The following CIAO3 variants were observed in gnomAD, a reference collection of about 807,000 sequenced individuals.
CIAO3 encodes the protein cytosolic iron-sulfur assembly component 3.
A neutral mutation model predicts 51.5 loss-of-function variants in CIAO3; 45 were observed. The ratio of observed to expected loss-of-function variants is 0.87; its 90% confidence interval spans 0.69 to 1.12. The LOEUF (loss-of-function observed/expected upper bound fraction) is 1.12, where lower values mean the gene tolerates loss of function less well. Ranked by LOEUF, CIAO3 falls within the 50% of genes most tolerant of loss-of-function variation. The pLI is 0.00. For synonymous variants in CIAO3, 314 were observed against 269.3 expected (o/e 1.17, Z -1.63); for missense variants, 668 against 632.5 (o/e 1.06, Z -0.60).
At chr16:731,148 G>C (rs188964973) in intron 9 of CIAO3, 148 bp from the exon 10 acceptor site, 1 of 1,024,768 alleles carries the variant, frequency 9.8e-7, no homozygotes, top group African/African-American at 1.6e-5. Context: ...GGACAAGAAC[G>C]GAGAGAGAGG....
At chr16:740,376 G>A (rs1235024386) in intron 1 of CIAO3, 1 of 328,164 alleles carries the variant, frequency 3.0e-6, no homozygotes, top group Non-Finnish European at 6.1e-6. Context: ...GCTCTACTGA[G>A]GAGCCACTGC....
chr16:732,067 G>A, intron 8 of CIAO3: 1 of 554,822 alleles, frequency 1.8e-6, no homozygotes. Context: ...TAGTAGAGAT[G>A]AGGTTTCACC....
Position 732,162 on chromosome 16 carries a change from G to A in CIAO3, c.896+139C>T, listed in dbSNP as rs575261820. The A allele has an allele frequency of 3.0e-5, 27 of 891,858 alleles. 1 individual carries two copies. The South Asian group carries it at 4.2e-4, about 14-fold the overall frequency. The allele number at this position is 891,858 out of a possible 1,614,324, so 55.2% of individuals were successfully genotyped here. On this transcript the variant is annotated intron_variant, in intron 8 of 10. Coordinates refer to ENST00000251588, the MANE Select transcript of CIAO3 (RefSeq NM_022493.3). ...CAAAGTGCTGGGGTGACAGGCGTGA[G>A]CTACTGCGCCTGGCTATCCAGCCAC...
intron 6 of CIAO3, chr16:733,779 G>A (rs967434634): frequency 2.6e-5 from 10 of 381,914 alleles, no homozygotes; most frequent in Admixed American, 1.6e-4. Context: ...GAAAATCCGC[G>A]TGCAGTCAGG....
intron 6 of CIAO3, 149 bp from the exon 7 acceptor site, chr16:733,576 C>A: frequency 1.7e-6 from 2 of 1,197,338 alleles, no homozygotes; most frequent in Non-Finnish European, 2.3e-6. Context: ...GCCGGCTCTG[C>A]GGATGTGTCC....
In CIAO3 at chr16:730,349, G is replaced by A; in HGVS notation, c.*68C>T. The A allele has an allele frequency of 6.8e-7, 1 of 1,479,426 alleles. No individual in the cohort carries two copies. The highest frequency in any genetic ancestry group is 1.2e-5 in the South Asian group (1 of 84,416). 91.6% of individuals were successfully genotyped at this position (1,479,426 alleles called of 1,614,324 possible). A position where few individuals can be genotyped will look rare whatever the true frequency, so the allele number is the denominator to read the frequency against. ...TCAGAATTTTGGGGGAAGCCCTGGGGTCTTGGGGCATGTGGTTCTGCTGTC... is the reference window on the plus strand; with the variant it reads ...TCAGAATTTTGGGGGAAGCCCTGGGATCTTGGGGCATGTGGTTCTGCTGTC... On this transcript the variant is annotated 3_prime_UTR_variant, in exon 11 of 11. Transcript: ENST00000251588.
chr16:730,205 C>T lies in CIAO3; in HGVS notation c.*212G>A. 1.7e-6 allele frequency: 1 copy of T among 602,218 alleles called. No individual in the cohort carries two copies. The highest frequency in any genetic ancestry group is 3.0e-5 in the Admixed American group (1 of 33,598). The allele number at this position is 602,218 out of a possible 1,614,324, so 37.3% of individuals were successfully genotyped here. On this transcript the variant is annotated 3_prime_UTR_variant, in exon 11 of 11. Transcript: ENST00000251588. ...GAACCTTCTGCTGCCTGGGCCACCC[C>T]ACCCCACCTGGGCAGAGCCAGTGGG... is the stretch of plus-strand genomic sequence containing the variant.
chr16:730,349 G>C lies in CIAO3; in HGVS notation c.*68C>G. On this transcript the variant is annotated 3_prime_UTR_variant, in exon 11 of 11. Transcript: ENST00000251588. ...TCAGAATTTTGGGGGAAGCCCTGGG[G>C]TCTTGGGGCATGTGGTTCTGCTGTC... The C allele has an allele frequency of 6.8e-7, 1 of 1,479,426 alleles. No individual in the cohort carries two copies. Among genetic ancestry groups the C allele is most frequent in the Non-Finnish European group, 9.3e-7 (1 of 1,079,910 alleles). 91.6% of individuals were successfully genotyped at this position (1,479,426 alleles called of 1,614,324 possible). A position where few individuals can be genotyped will look rare whatever the true frequency, so the allele number is the denominator to read the frequency against.
At chr16:731,731 G>A in intron 8 of CIAO3, 29 bp from the exon 9 acceptor site, 1 of 1,514,260 alleles carries the variant, frequency 6.6e-7, no homozygotes. Flanking sequence ...CCTCAGCACA[G>A]CTGGGGCTGC....
In CIAO3 at chr16:730,638, C is replaced by T; in HGVS notation, c.1210G>A (p.Gly404Ser). The change falls in exon 11 of 11, where the codon GGC (glycine) becomes AGC (serine). Residue 404 changes from glycine to serine, a missense_variant. Transcript: ENST00000251588. Reference protein sequence around the residue: ...ACPSGCLNGGGQLQAPDRPSR... With the variant: ...ACPSGCLNGGSQLQAPDRPSR... Reference sequence around the variant, plus strand: ...GGCCTGTCTGGGGCCTGGAGCTGGCCCCCGCCGTTCAGGCAGCCTATGGGA... The same window carrying T: ...GGCCTGTCTGGGGCCTGGAGCTGGCTCCCGCCGTTCAGGCAGCCTATGGGA... 1 of 1,609,394 alleles carries T rather than the reference C, an allele frequency of 6.2e-7. No homozygotes were observed. Among genetic ancestry groups the T allele is most frequent in the East Asian group, 2.2e-5 (1 of 44,872 alleles).
In CIAO3 at chr16:737,292, G is replaced by A. The variant is rs550684953; in HGVS notation, c.200C>T (p.Ser67Leu). 1.0e-4 allele frequency: 167 copies of A among 1,613,352 alleles called. 2 individuals are homozygous for A. Among genetic ancestry groups the A allele is most frequent in the South Asian group, 9.8e-4 (89 of 91,088 alleles). The change falls in exon 3 of 11, where the codon TCG (serine) becomes TTG (leucine). Residue 67 changes from serine to leucine, a missense_variant. By Grantham distance (145) the Ser-to-Leu change is moderately radical. Coordinates refer to ENST00000251588, the MANE Select transcript of CIAO3 (RefSeq NM_022493.3). This position sits in a 1 kb window ranked among gnomAD's most constrained non-coding sequence, Gnocchi z 5.3. ...GCTGCACGCCAGGCAGTCGTTTAGCGAGACCTTGGCCTTCTCCAGCCTCCG... is the reference window on the plus strand; with the variant it reads ...GCTGCACGCCAGGCAGTCGTTTAGCAAGACCTTGGCCTTCTCCAGCCTCCG... ...GTRRLEKAKV[S>L]LNDCLACSGC... is the part of the protein sequence containing the mutation.
intron 4 of CIAO3, chr16:735,642 G>A (rs1310964890): frequency 6.6e-6 from 1 of 152,414 alleles, no homozygotes; most frequent in Non-Finnish European, 1.5e-5. Flanking sequence ...CACTGCTCAG[G>A]CACCAACTGG....
intron 7 of CIAO3, chr16:732,957 C>T (rs995511581): frequency 1.8e-5 from 6 of 341,598 alleles, no homozygotes; most frequent in Non-Finnish European, 3.4e-5. Context: ...TTCTGCCTCA[C>T]ATTTGGGAGA....
At chr16:735,214 C>T (rs2041325894) in intron 4 of CIAO3, 1 of 263,938 alleles carries the variant, frequency 3.8e-6, no homozygotes, top group Admixed American at 4.9e-5. Context: ...CCCGGTGACC[C>T]TCCCTAGGGC....
In CIAO3 at chr16:733,317, C is replaced by G. The variant is rs2041304461; in HGVS notation, c.804G>C (p.Val268=). ...CCGCACCTGTTGTGAGGACACAGTC[C>G]ACATCCCGTGTCTGGTGCTCCTGGT... ...FFNQEHQTRD[V]DCVLTTGEVF... The change falls in exon 7 of 11, where the codon GTG becomes GTC. Residue 268 remains valine, a synonymous_variant. Transcript: ENST00000251588. The G allele has an allele frequency of 5.6e-6, 9 of 1,613,682 alleles. No homozygotes were observed. The highest frequency in any genetic ancestry group is 7.6e-6 in the Non-Finnish European group (9 of 1,179,996).
chr16:736,054 C>T (rs1242407833), intron 4 of CIAO3, among the ~76,000 whole-genome samples: 3 of 152,196 alleles, frequency 2.0e-5, no homozygotes, highest in Non-Finnish European at 4.4e-5. Flanking sequence ...AGAAAGTGCA[C>T]AGTCAGAATG....
chr16:738,942 C>A (rs1033446198), intron 2 of CIAO3, among the ~76,000 whole-genome samples: 2 of 149,948 alleles, frequency 1.3e-5, no homozygotes, highest in Non-Finnish European at 3.0e-5. Flanking sequence ...CCGCGCCCAG[C>A]CTGAATTTTA....
intron 6 of CIAO3, 125 bp downstream of exon 6, chr16:734,104 G>A: frequency 4.9e-6 from 4 of 818,164 alleles, no homozygotes; most frequent in Non-Finnish European, 8.3e-6. Flanking sequence ...AAGGGTGGAG[G>A]TGTGCTGGGG....
chr16:738,105 C>G (rs1436856187), intron 2 of CIAO3: 1 of 1,027,198 alleles, frequency 9.7e-7, no homozygotes, highest in African/African-American at 1.7e-5. Context: ...GTTGGTTCTG[C>G]CCCAAGGCAC....
Sources: allele counts gnomAD v4.1 joint callset (sites outside exome capture counted in the v4.1 genomes callset), GRCh38; gene constraint gnomAD v4.1.1; non-coding constraint Gnocchi (gnomAD v3.1); transcripts MANE v1.5; gene names NCBI Gene and HGNC (gene_info 2026-07-23, HGNC 2026-07-21).